Variants in MYZAP observed in about 807,000 individuals in gnomAD.
The protein encoded by MYZAP is myocardial zonula adherens protein.
Under a neutral mutation model 69.4 loss-of-function variants are expected in MYZAP, and 66 were observed. The observed-to-expected ratio is 0.95, with a 90% CI of 0.78 to 1.17. The LOEUF is 1.17. Among genes scored for constraint, MYZAP ranks in the 50% most tolerant of loss-of-function variants. The probability of loss-of-function intolerance (pLI) is 0.00; values close to 1 mark genes in which losing one functional copy is unlikely to be tolerated. For synonymous variants in MYZAP, 256 were observed against 205.9 expected (o/e 1.24, Z -2.09); for missense variants, 611 against 556.2 (o/e 1.10, Z -0.99).
intron 3 of MYZAP, among the ~76,000 whole-genome samples, chr15:57,621,205 C>CAT (rs2035786821): frequency 7.9e-6 from 1 of 127,314 alleles, no homozygotes; most frequent in Non-Finnish European, 1.6e-5. Flanking sequence ...CTTTCTTTTT[C>CAT]TTTTTTTTTT....
intron 10 of MYZAP, among the ~76,000 whole-genome samples, chr15:57,658,101 A>G (rs2038093507): frequency 6.6e-6 from 1 of 152,198 alleles, no homozygotes; most frequent in Non-Finnish European, 1.5e-5. Flanking sequence ...GAAATTTAAA[A>G]TACTTGATAA....
At chr15:57,626,411 C>T (rs796541143) in intron 5 of MYZAP, among the ~76,000 whole-genome samples, 24 of 152,246 alleles carry the variant, frequency 1.6e-4, no homozygotes, top group African/African-American at 3.4e-4. Flanking sequence ...CAGAAAGACC[C>T]GGTATCTTAT....
intron 3 of MYZAP, among the ~76,000 whole-genome samples, chr15:57,620,795 G>T (rs1224893732): frequency 6.6e-6 from 1 of 152,024 alleles, no homozygotes. Context: ...TGGTTTCTTT[G>T]GTCCTCTTAG....
chr15:57,623,933 G>C (rs543831950), intron 4 of MYZAP, among the ~76,000 whole-genome samples: 3 of 152,236 alleles, frequency 2.0e-5, no homozygotes, highest in African/African-American at 7.2e-5. Context: ...AACAGGAAGA[G>C]AAGATAAACA....
At chr15:57,618,314 G>C in intron 3 of MYZAP, 126 bp downstream of exon 3, 1 of 1,409,496 alleles carries the variant, frequency 7.1e-7, no homozygotes, top group South Asian at 1.5e-5. Context: ...TTATCATTTT[G>C]GCTGGAAATG....
At chr15:57,658,045 A>G (rs1260093855) in intron 10 of MYZAP, among the ~76,000 whole-genome samples, 1 of 152,112 alleles carries the variant, frequency 6.6e-6, no homozygotes, top group African/African-American at 2.4e-5. Flanking sequence ...TCTATTTTGT[A>G]TGGTTTACTT....
intron 5 of MYZAP, 33 bp downstream of exon 5, chr15:57,625,925 C>G (rs776777542): frequency 1.8e-5 from 29 of 1,592,786 alleles, no homozygotes; most frequent in Non-Finnish European, 2.4e-5. Context: ...GACAGGGCAA[C>G]CCAGCTTAAT....
chr15:57,670,515 A>T (rs1200883543), intron 11 of MYZAP, among the ~76,000 whole-genome samples: 3 of 151,976 alleles, frequency 2.0e-5, no homozygotes, highest in African/African-American at 7.2e-5. Context: ...AATAGTTGGG[A>T]CTTGCTTTTT....
rs183272769 is a variant in MYZAP, at chr15:57,653,246, A to G, written c.1120-8204A>G. On this transcript the variant is annotated intron_variant, in intron 10 of 12. Coordinates refer to ENST00000267853, the MANE Select transcript of MYZAP (RefSeq NM_001018100.5). ...ATGAAAACATTATAAAGAAATTTCA[A>G]ATAAAATAATTTAAAATGTTTATTG... 3.8e-3 allele frequency among the ~76,000 whole-genome samples: 576 copies of G among 152,332 alleles called. 6 individuals are homozygous for G. The highest frequency in any genetic ancestry group is 0.013 in the African/African-American group (544 of 41,566).
At chr15:57,593,188 G>GCATGCGCGCGCACACA in intron 1 of MYZAP, among the ~76,000 whole-genome samples, 1 of 114,152 alleles carries the variant, frequency 8.8e-6, no homozygotes. Context: ...GTACACAGGC[G>GCATGCGCGCGCACACA]CACACACACA....
intron 7 of MYZAP, 49 bp downstream of exon 7, chr15:57,632,608 C>T (rs1277352325): frequency 6.2e-7 from 1 of 1,608,728 alleles, no homozygotes; most frequent in Non-Finnish European, 8.5e-7. Context: ...ATTGTTGGTT[C>T]ATTATTGTTG....
At chr15:57,633,578 ATGCCTG>A in intron 7 of MYZAP, 29 bp from the exon 8 acceptor site, 1 of 1,595,930 alleles carries the variant, frequency 6.3e-7, no homozygotes, top group Non-Finnish European at 8.5e-7. Context: ...TCGGTACTCC[ATGCCTG>A]TACTTAGGAG....
At chr15:57,635,846 C>A (rs1295357112) in intron 8 of MYZAP, among the ~76,000 whole-genome samples, 1 of 152,196 alleles carries the variant, frequency 6.6e-6, no homozygotes, top group Non-Finnish European at 1.5e-5. Flanking sequence ...GGCTTCTCTG[C>A]CATATGCCTT....
intron 11 of MYZAP, among the ~76,000 whole-genome samples, chr15:57,674,025 C>T (rs1419182004): frequency 6.6e-6 from 1 of 152,198 alleles, no homozygotes; most frequent in Non-Finnish European, 1.5e-5. Flanking sequence ...GATATGATCA[C>T]TGCTTCATGA....
rs1215990779 is a variant in MYZAP, at chr15:57,637,759, A to C, written c.998A>C (p.Asp333Ala). 6.2e-7 allele frequency: 1 copy of C among 1,611,498 alleles called. No individual in the cohort carries two copies. Among genetic ancestry groups the C allele is most frequent in the Non-Finnish European group, 8.5e-7 (1 of 1,178,688 alleles). The change falls in exon 9 of 13, where the codon GAT becomes GCT. Residue 333 changes from aspartate (D) to alanine (A), a missense_variant. By Grantham distance (126) the Asp-to-Ala change is moderately radical. Coordinates refer to ENST00000267853, the MANE Select transcript of MYZAP (RefSeq NM_001018100.5). The stretch of plus-strand genomic sequence containing the variant: ...ACAGAAATGTCTGGGGAGTTAACTG[A>C]TTCTGACAAGGAAAGGTAAGACGTA... ...HETEMSGELT[D>A]SDKERYQQLE...
In MYZAP at chr15:57,599,688, C is replaced by G. The variant is rs549329133; in HGVS notation, c.76-4581C>G. ...TTCAGGAGACCATGGAGATCAGCCT[C>G]GTAAAATGCTCGGAGGTAAGGAATG... On this transcript the variant is annotated intron_variant, in intron 1 of 12. Coordinates refer to ENST00000267853, the MANE Select transcript of MYZAP (RefSeq NM_001018100.5). The G allele has an allele frequency of 7.8e-6, 10 of 1,289,012 alleles. No individual in the cohort carries two copies. The Admixed American group carries it at 1.6e-4, about 21-fold the overall frequency. The allele number at this position is 1,289,012 out of a possible 1,614,324, so 79.8% of individuals were successfully genotyped here.
rs1286289901 is a variant in MYZAP at position 57,654,023 on chromosome 15, A to G, written c.1120-7427A>G. On this transcript the variant is annotated intron_variant, in intron 10 of 12. Coordinates refer to ENST00000267853, the MANE Select transcript of MYZAP (RefSeq NM_001018100.5). ...CTGTCAAAAAAAAAAAAAAAAAAAAAAAAAAAAAAGTCCCTATTTAGAGGT... is the reference window on the plus strand; with the variant it reads ...CTGTCAAAAAAAAAAAAAAAAAAAAGAAAAAAAAAGTCCCTATTTAGAGGT... Among the ~76,000 whole-genome samples the G allele has an allele frequency of 2.5e-5, 2 of 81,606 alleles. 1 individual carries two copies. The highest frequency in any genetic ancestry group is 8.4e-4 in the East Asian group (2 of 2,392). 53.5% of individuals were successfully genotyped at this position (81,606 alleles called of 152,430 possible).
intron 2 of MYZAP, among the ~76,000 whole-genome samples, chr15:57,614,807 G>A (rs12324289): frequency 0.091 from 13,902 of 152,204 alleles, 775 homozygotes; most frequent in Admixed American, 0.13. Context: ...GAAAGACATA[G>A]GCAGGCACTT....
At position 57,684,404 on chromosome 15, in the gene MYZAP, A is replaced by T; in HGVS notation, c.1307A>T (p.Gln436Leu). ...ACCTGCATTTTCTCATTTCTCAGCC[A>T]AACAGGCAGGACTCGTGAAATTGTG... ...IGVGCDLLPS[Q>L]TGRTREIVMP... The change falls in exon 13 of 13, where the codon CAA becomes CTA. Residue 436 changes from glutamine to leucine, a missense_variant and splice_region_variant. By Grantham distance (113) the Gln-to-Leu change is moderately radical (BLOSUM62 -2). Transcript: ENST00000267853. 1 of 1,611,382 alleles carries T rather than the reference A, an allele frequency of 6.2e-7. No homozygotes were observed. Among genetic ancestry groups the T allele is most frequent in the Non-Finnish European group, 8.5e-7 (1 of 1,178,220 alleles).
Sources: gnomAD v4.1 joint callset for allele counts (sites outside exome capture counted in the v4.1 genomes callset) on GRCh38, gnomAD v4.1.1 for gene constraint, MANE v1.5 for transcripts, NCBI Gene and HGNC (gene_info 2026-07-23, HGNC 2026-07-21) for gene names.